Variants in KLC1 observed in about 807,000 individuals in gnomAD.
The protein encoded by KLC1 is kinesin 2 60/70kDa.
KLC1 carries 30 observed loss-of-function variants against 84.2 expected under a neutral mutation model. The observed-to-expected ratio is 0.36, with a 90% CI of 0.27 to 0.48. KLC1 has a LOEUF of 0.48. KLC1 is among the 20% of genes least tolerant of loss of function. The pLI is 0.99. For missense variants in KLC1, 499 were observed against 805.4 expected (o/e 0.62, Z 4.60); for synonymous variants, 289 against 293.3 (o/e 0.99, Z 0.15).
At chr14:103,677,384 A>G (rs1478488263) in intron 11 of KLC1, 31 bp from the exon 12 acceptor site, 1 of 1,302,304 alleles carries the variant, frequency 7.7e-7, no homozygotes, top group Non-Finnish European at 1.1e-6. Context: ...CTTATATGTC[A>G]TAGTTCTGTA....
chr14:103,693,560 A>G lies in KLC1; in HGVS notation c.1848+1135A>G, dbSNP rs1235031300. On this transcript the variant is annotated intron_variant, in intron 15 of 16. Coordinates refer to ENST00000334553, the MANE Select transcript of KLC1 (RefSeq NM_001394837.1). This position sits in a 1 kb window ranked among gnomAD's most constrained non-coding sequence, Gnocchi z 5.1. ...ATTTGTTTTTTCATGCAGGAACGAAATAATTGTCTGGCCGACTCGCGAGCT... is the reference window on the plus strand; with the variant it reads ...ATTTGTTTTTTCATGCAGGAACGAAGTAATTGTCTGGCCGACTCGCGAGCT... The G allele has an allele frequency of 3.0e-5, 46 of 1,536,006 alleles. No individual in the cohort carries two copies. Among genetic ancestry groups the G allele is most frequent in the African/African-American group, 9.6e-5 (7 of 73,038 alleles).
In KLC1 at chr14:103,679,546, G is replaced by A. The variant is rs770845853; in HGVS notation, c.1650+1G>A. 6.2e-7 allele frequency: 1 copy of A among 1,612,412 alleles called. No individual in the cohort carries two copies. The highest frequency in any genetic ancestry group is 1.1e-5 in the South Asian group (1 of 91,046). On this transcript the variant is annotated splice_donor_variant, in intron 13 of 16. Transcript: ENST00000334553. LOFTEE classifies it high-confidence loss of function. Reference sequence around the variant, plus strand: ...GAGTATGAGCGTAGAGTGGAACGGGGTAAGTACAGTACACAGCGGGCACGT... The same window carrying A: ...GAGTATGAGCGTAGAGTGGAACGGGATAAGTACAGTACACAGCGGGCACGT...
chr14:103,646,501 G>A (rs983045139), intron 1 of KLC1, among the ~76,000 whole-genome samples: 3 of 151,912 alleles, frequency 2.0e-5, no homozygotes, highest in South Asian at 2.1e-4. Flanking sequence ...TTATATGTAT[G>A]CATATATATG....
chr14:103,699,351 C>T (rs2082900883), intron 15 of KLC1: 1 of 1,592,954 alleles, frequency 6.3e-7, no homozygotes. Flanking sequence ...TGCAACCCTG[C>T]CTTGGTGCTC....
In KLC1 at chr14:103,662,730, G is replaced by A. The variant is rs775865844; in HGVS notation, c.600G>A (p.Ala200=). The stretch of plus-strand genomic sequence containing the variant: ...AGCAGCAGCACAGCAGTGCAGCCGC[G>A]GCTGCCCAGCAGGGCGGCTACGAGA... ...GIQQQHSSAA[A]AAQQGGYEIP... Residue 200 remains alanine (A), a synonymous_variant, in exon 5 of 17, where the codon GCG becomes GCA. Coordinates refer to ENST00000334553, the MANE Select transcript of KLC1 (RefSeq NM_001394837.1). The A allele has an allele frequency of 1.1e-5, 18 of 1,603,580 alleles. No individual in the cohort carries two copies. The highest frequency in any genetic ancestry group is 9.5e-5 in the African/African-American group (7 of 73,980).
At position 103,669,865 on chromosome 14, in the gene KLC1, G is replaced by T. The variant is rs1034292823; in HGVS notation, c.885+267G>T. On this transcript the variant is annotated intron_variant, in intron 6 of 16. Transcript: ENST00000334553. Reference sequence around the variant, plus strand: ...CATGTCCTTCTAGAAATTTTTTTCTGAAAATTATATTGTCTTCATTAAAAT... The same window carrying T: ...CATGTCCTTCTAGAAATTTTTTTCTTAAAATTATATTGTCTTCATTAAAAT... Among the ~76,000 whole-genome samples, 3 of 152,140 alleles carry T rather than the reference G, an allele frequency of 2.0e-5. 1 individual carries two copies. The highest frequency in any genetic ancestry group is 4.4e-5 in the Non-Finnish European group (3 of 68,010).
chr14:103,665,654 C>G (rs931486332), intron 5 of KLC1, among the ~76,000 whole-genome samples: 1 of 152,142 alleles, frequency 6.6e-6, no homozygotes, highest in African/African-American at 2.4e-5. Context: ...CCAGGCTGGT[C>G]TCAAAACTCC....
At chr14:103,676,193 C>T (rs992277882) in intron 11 of KLC1, among the ~76,000 whole-genome samples, 11 of 152,166 alleles carry the variant, frequency 7.2e-5, no homozygotes, top group East Asian at 3.8e-4. Context: ...CTCTTGAGCC[C>T]GAGCCTGTGC....
At position 103,700,746 on chromosome 14, in the gene KLC1, A is replaced by C. The variant is rs1410810009; in HGVS notation, c.*1+19A>C. ...CGCTAACGTGAGTCCCACGGCCTGC[A>C]GCCCCAGGAAGCAGGCAGCTGGGCC... On this transcript the variant is annotated intron_variant, in intron 16 of 16. Transcript: ENST00000334553. The C allele has an allele frequency of 6.5e-7, 1 of 1,547,156 alleles. No homozygotes were observed. The highest frequency in any genetic ancestry group is 8.7e-7 in the Non-Finnish European group (1 of 1,142,966).
chr14:103,685,435 T>C, intron 13 of KLC1: 1 of 1,205,150 alleles, frequency 8.3e-7, no homozygotes, highest in Non-Finnish European at 1.1e-6. Flanking sequence ...GTCTGGATTC[T>C]GTGAAATGCA....
chr14:103,672,898 GAAA>G, intron 7 of KLC1, 113 bp from the exon 8 acceptor site: 1 of 878,324 alleles, frequency 1.1e-6, no homozygotes, highest in South Asian at 1.6e-5. Flanking sequence ...ATTTAAATCT[GAAA>G]GTGTAGCACA....
At chr14:103,678,015 C>T (rs952585546) in intron 12 of KLC1, among the ~76,000 whole-genome samples, 1 of 148,882 alleles carries the variant, frequency 6.7e-6, no homozygotes, top group East Asian at 2.0e-4. Flanking sequence ...GTGGCTCACA[C>T]TTGAATCCCA....
chr14:103,670,303 T>C lies in KLC1; in HGVS notation c.987+20T>C. ...GAAAAGGTACAAAAGAAGGGGGCAGTCGTTTTCTTTGAGATTTTTGTTTTG... is the reference window on the plus strand; with the variant it reads ...GAAAAGGTACAAAAGAAGGGGGCAGCCGTTTTCTTTGAGATTTTTGTTTTG... On this transcript the variant is annotated intron_variant, in intron 7 of 16. Transcript: ENST00000334553. 1.3e-6 allele frequency: 2 copies of C among 1,555,752 alleles called. No individual in the cohort carries two copies. Among genetic ancestry groups the C allele is most frequent in the Non-Finnish European group, 1.8e-6 (2 of 1,140,196 alleles).
intron 1 of KLC1, among the ~76,000 whole-genome samples, chr14:103,652,116 A>G (rs750136488): frequency 2.6e-5 from 4 of 152,242 alleles, no homozygotes; most frequent in African/African-American, 4.8e-5. Flanking sequence ...TCATTTGGAT[A>G]TAATACATAA....
At chr14:103,687,493 C>A (rs563541822) in intron 14 of KLC1, 67 of 165,046 alleles carry the variant, frequency 4.1e-4, no homozygotes, top group African/African-American at 1.1e-3. Context: ...GCCTTAGCAA[C>A]GAAATGTGGG....
intron 13 of KLC1, chr14:103,685,554 T>A: frequency 7.8e-7 from 1 of 1,288,974 alleles, no homozygotes; most frequent in South Asian, 1.2e-5. Flanking sequence ...CTAGAAATAC[T>A]GTAAGCCAGG....
intron 15 of KLC1, chr14:103,698,606 C>T: frequency 1.6e-6 from 1 of 626,838 alleles, no homozygotes; most frequent in Non-Finnish European, 2.8e-6. Flanking sequence ...AGAGGCAGAA[C>T]ATCCCCCCAG....
intron 9 of KLC1, among the ~76,000 whole-genome samples, chr14:103,674,043 C>T (rs980170125): frequency 6.6e-6 from 1 of 152,130 alleles, no homozygotes; most frequent in Admixed American, 6.5e-5. Context: ...GAGACCTATA[C>T]AGTTCACGCA....
intron 5 of KLC1, among the ~76,000 whole-genome samples, chr14:103,668,014 C>T (rs2080030920): frequency 6.6e-6 from 1 of 152,144 alleles, no homozygotes; most frequent in Admixed American, 6.5e-5. Flanking sequence ...GACTGGGTAC[C>T]AAGTTCAGAC....
Sources: gnomAD v4.1 joint callset for allele counts (sites outside exome capture counted in the v4.1 genomes callset) on GRCh38, gnomAD v4.1.1 for gene constraint, Gnocchi (gnomAD v3.1) non-coding constraint, MANE v1.5 for transcripts, NCBI Gene and HGNC (gene_info 2026-07-23, HGNC 2026-07-21) for gene names.